ANK2: variants seen among roughly 807,000 people sequenced by gnomAD.
ANK2 encodes the protein ankyrin 2, also known as ankyrin-2.
In ANK2, 83 loss-of-function variants were observed where a neutral mutation model predicts 360.5. The observed-to-expected ratio is 0.23, with a 90% confidence interval of 0.19 to 0.28. ANK2 has a LOEUF of 0.28. Ranked by LOEUF, ANK2 falls within the 10% of genes least tolerant of loss-of-function variation. ANK2 has a pLI of 1.00. For missense variants in ANK2, 4,201 were observed against 4,795.7 expected (o/e 0.88, Z 3.66); for synonymous variants, 1,740 against 1,759.5 (o/e 0.99, Z 0.28).
intron 1 of ANK2, among the ~76,000 whole-genome samples, chr4:112,903,784 G>A (rs1387378353): frequency 1.3e-5 from 2 of 152,182 alleles, no homozygotes; most frequent in Non-Finnish European, 2.9e-5. Flanking sequence ...GAAGACTTCT[G>A]TGATGCATGT....
intron 45 of ANK2, among the ~76,000 whole-genome samples, chr4:113,375,672 C>CCGAGATT (rs2096901720): frequency 6.6e-6 from 1 of 151,358 alleles, no homozygotes; most frequent in Non-Finnish European, 1.5e-5. Context: ...TTGCAGTGAG[C>CCGAGATT]CGAGATTGCA....
intron 4 of ANK2, among the ~76,000 whole-genome samples, chr4:113,230,545 A>G (rs537159128): frequency 2.6e-4 from 39 of 152,202 alleles, no homozygotes; most frequent in African/African-American, 8.7e-4. Context: ...TCCTCTTTTA[A>G]GTTTTTAAAA....
At chr4:113,008,641 G>T (rs2053699394) in intron 2 of ANK2, among the ~76,000 whole-genome samples, 1 of 152,062 alleles carries the variant, frequency 6.6e-6, no homozygotes, top group African/African-American at 2.4e-5. Context: ...CTGCAGAAAG[G>T]TAATATATAA....
At chr4:112,950,836 A>C (rs1235139489) in intron 2 of ANK2, among the ~76,000 whole-genome samples, 1 of 151,504 alleles carries the variant, frequency 6.6e-6, no homozygotes, top group Non-Finnish European at 1.5e-5. Flanking sequence ...TAATCCCAGC[A>C]CTTTGGGAGG....
intron 19 of ANK2, 35 bp from the exon 20 acceptor site, chr4:113,288,353 T>C (rs1395871139): frequency 1.9e-6 from 3 of 1,565,606 alleles, no homozygotes; most frequent in Middle Eastern, 1.7e-4. Flanking sequence ...AAGTTTCTAC[T>C]TTATCTATTT....
intron 2 of ANK2, among the ~76,000 whole-genome samples, chr4:112,914,877 A>C (rs1275377927): frequency 6.6e-6 from 1 of 152,180 alleles, no homozygotes; most frequent in African/African-American, 2.4e-5. Flanking sequence ...TGTTGGGGGA[A>C]AAGTCTGTTG....
At chr4:113,121,092 C>A (rs1203607219) in intron 1 of ANK2, among the ~76,000 whole-genome samples, 1 of 152,084 alleles carries the variant, frequency 6.6e-6, no homozygotes, top group African/African-American at 2.4e-5. Context: ...TGCCAGAGTT[C>A]ACATTTTCTG....
rs786205737 is a variant in ANK2 at position 113,363,406 on chromosome 4, C to T, written c.10825C>T (p.Leu3609Phe). Residue 3609 changes from leucine (L) to phenylalanine (F), a missense_variant, in exon 40 of 46, where the codon CTT becomes TTT. Physicochemically the swap from Leu to Phe is conservative, Grantham distance 22. Coordinates refer to ENST00000357077, the MANE Select transcript of ANK2 (RefSeq NM_001148.6). ...HQIRIENPNS[L>F]QDQSHALLKY... ...AATTCGAATTGAAAATCCCAACTCTCTTCAAGACCAGAGTCATGCACTGTT... is the reference window on the plus strand; with the variant it reads ...AATTCGAATTGAAAATCCCAACTCTTTTCAAGACCAGAGTCATGCACTGTT... 5 of 1,613,484 alleles carry T rather than the reference C, an allele frequency of 3.1e-6. No individual in the cohort carries two copies. Among genetic ancestry groups the T allele is most frequent in the Non-Finnish European group, 3.4e-6 (4 of 1,179,686 alleles).
the ANK2 span, among the ~76,000 whole-genome samples, chr4:112,810,200 C>A: frequency 7.8e-6 from 1 of 127,724 alleles, no homozygotes; most frequent in Non-Finnish European, 1.6e-5. Context: ...TGGGGTTTCA[C>A]CATGTTGGCC....
At chr4:113,306,252 C>T (rs2153806891) in intron 23 of ANK2, among the ~76,000 whole-genome samples, 1 of 152,268 alleles carries the variant, frequency 6.6e-6, no homozygotes, top group South Asian at 2.1e-4. Flanking sequence ...ATATACCTAA[C>T]ACAGTCTCAT....
chr4:113,282,079 A>G (rs2062634243), intron 17 of ANK2, among the ~76,000 whole-genome samples: 1 of 152,204 alleles, frequency 6.6e-6, no homozygotes, highest in Non-Finnish European at 1.5e-5. Flanking sequence ...TACAATCCAA[A>G]CAGAAGCATA....
In ANK2 at chr4:112,838,017, A is replaced by G. The variant is rs566481183; in HGVS notation, c.-40+19753A>G. Reference sequence around the variant, plus strand: ...AATGACATGAGATTTGGGAGGATCCAGGGGTAGAATGATATGGTTTGGCTC... The same window carrying G: ...AATGACATGAGATTTGGGAGGATCCGGGGGTAGAATGATATGGTTTGGCTC... On this transcript the variant is annotated intron_variant, in intron 1 of 30. Transcript: ENST00000503271. Among the ~76,000 whole-genome samples the G allele has an allele frequency of 2.4e-3, 362 of 152,288 alleles. 1 individual carries two copies. The highest frequency in any genetic ancestry group is 4.0e-3 in the Non-Finnish European group (273 of 68,020).
rs549383217 is a variant in ANK2, at chr4:112,874,167, C to T, written c.-39-30288C>T. 6.4e-4 allele frequency among the ~76,000 whole-genome samples: 96 copies of T among 148,896 alleles called. 1 individual carries two copies. The highest frequency in any genetic ancestry group is 2.0e-3 in the African/African-American group (80 of 40,464). On this transcript the variant is annotated intron_variant, in intron 1 of 30. Transcript: ENST00000503271. ...CGCCATCTCGGCTCACTGCAACCTC[C>T]GCCTCCTGGGTTCAAGCGATTCTCC...
At chr4:112,928,201 T>C (rs2092790706) in intron 2 of ANK2, among the ~76,000 whole-genome samples, 2 of 152,172 alleles carry the variant, frequency 1.3e-5, no homozygotes, top group South Asian at 4.1e-4. Context: ...GACTTCACAT[T>C]AAAGTGGTTG....
chr4:113,345,536 A>G (rs2094744240), intron 34 of ANK2, among the ~76,000 whole-genome samples: 1 of 152,228 alleles, frequency 6.6e-6, no homozygotes, highest in East Asian at 1.9e-4. Flanking sequence ...AATGTATTAT[A>G]TACTTGAAAT....
intron 2 of ANK2, among the ~76,000 whole-genome samples, chr4:112,958,855 CT>C (rs1554019467): frequency 6.6e-6 from 1 of 150,662 alleles, no homozygotes; most frequent in Non-Finnish European, 1.5e-5. Flanking sequence ...ATTTCTTTTT[CT>C]TTTTTTTTGG....
chr4:113,149,494 C>T (rs2096955930), intron 1 of ANK2, among the ~76,000 whole-genome samples: 1 of 151,722 alleles, frequency 6.6e-6, no homozygotes, highest in South Asian at 2.1e-4. Context: ...TAACAAGAGC[C>T]AAAAGTGTAA....
chr4:113,137,161 A>G (rs937626658), intron 1 of ANK2, among the ~76,000 whole-genome samples: 2 of 152,178 alleles, frequency 1.3e-5, no homozygotes, highest in African/African-American at 4.8e-5. Flanking sequence ...CTTGAAGATT[A>G]TAGGGAGTTC....
chr4:113,193,666 C>T (rs928738342), intron 2 of ANK2, among the ~76,000 whole-genome samples: 2 of 152,100 alleles, frequency 1.3e-5, no homozygotes, highest in African/African-American at 4.8e-5. Context: ...GCACGTATTT[C>T]ATCTTGAGAA....
Sources: allele counts gnomAD v4.1 joint callset (sites outside exome capture counted in the v4.1 genomes callset), GRCh38; gene constraint gnomAD v4.1.1; transcripts MANE v1.5; gene names NCBI Gene and HGNC (gene_info 2026-07-23, HGNC 2026-07-21).